ARMH4: variants seen among roughly 807,000 people sequenced by gnomAD.
ARMH4 encodes the protein armadillo-like helical domain-containing protein 4.
ARMH4 carries 49 observed loss-of-function variants against 61.9 expected under a neutral mutation model. The ratio of observed to expected loss-of-function variants is 0.79; its 90% CI spans 0.63 to 1.00. The LOEUF (loss-of-function observed/expected upper bound fraction) is 1.00. Ranked by LOEUF, ARMH4 falls within the 50% of genes least tolerant of loss-of-function variation. The probability of loss-of-function intolerance (pLI) is 0.00; values close to 1 mark genes in which losing one functional copy is unlikely to be tolerated. For synonymous variants in ARMH4, 368 were observed against 341.5 expected, an observed-to-expected ratio of 1.08 and a Z score of -0.85; for missense variants, 934 against 930.0, an observed-to-expected ratio of 1.00 and a Z score of -0.06.
At chr14:58,046,984 C>A (rs540338892) in intron 5 of ARMH4, among the ~76,000 whole-genome samples, 4 of 152,262 alleles carry the variant, frequency 2.6e-5, no homozygotes, top group Admixed American at 2.6e-4. Context: ...GCACCAGTCA[C>A]TAAAATGTGG....
rs533272417 is a variant in ARMH4, at chr14:58,131,428, T to G, written c.1831+84A>C. On this transcript the variant is annotated intron_variant, in intron 4 of 7. Transcript: ENST00000267485. ...GATCTATACTGCAGATTGAATATAC[T>G]CCTACTTAATTCTTTTTCAAAAACA... is the stretch of plus-strand genomic sequence containing the variant. 68 of 1,111,226 alleles carry G rather than the reference T, an allele frequency of 6.1e-5. No homozygotes were observed. In the African/African-American group the frequency reaches 1.0e-3, roughly 17 times the overall value. 68.8% of individuals were successfully genotyped at this position (1,111,226 alleles called of 1,614,324 possible). A position where few individuals can be genotyped will look rare whatever the true frequency, so the allele number is the denominator to read the frequency against.
chr14:58,027,072 T>C (rs959190424), intron 5 of ARMH4, among the ~76,000 whole-genome samples: 3 of 152,224 alleles, frequency 2.0e-5, no homozygotes, highest in Admixed American at 1.3e-4. Flanking sequence ...AAGTTCCATT[T>C]ACCAGTTCAT....
chr14:58,085,418 A>G (rs1006497168), intron 5 of ARMH4, among the ~76,000 whole-genome samples: 31 of 151,516 alleles, frequency 2.0e-4, no homozygotes, highest in Admixed American at 4.0e-4. Context: ...TCCCCAACTG[A>G]GCCTACGAGT....
chr14:58,018,421 G>A (rs1382703614), intron 5 of ARMH4, among the ~76,000 whole-genome samples: 1 of 149,860 alleles, frequency 6.7e-6, no homozygotes, highest in African/African-American at 2.5e-5. Context: ...TCATACAACT[G>A]AATAGCAAGA....
intron 5 of ARMH4, among the ~76,000 whole-genome samples, chr14:58,050,831 T>C (rs1884112737): frequency 6.6e-6 from 1 of 152,066 alleles, no homozygotes; most frequent in Non-Finnish European, 1.5e-5. Flanking sequence ...AGCTCTGCAA[T>C]TTTCCCTCCC....
chr14:58,007,315 A>C lies in ARMH4; in HGVS notation c.2122-2133T>G, dbSNP rs1594684040. ...TCTTATTGACACACTTAAGCCTTTT[A>C]CTTATGGAGCTTTATTTTTTCAAAT... On this transcript the variant is annotated intron_variant, in intron 6 of 7. Transcript: ENST00000267485. Among the ~76,000 whole-genome samples, 4 of 152,306 alleles carry C rather than the reference A, an allele frequency of 2.6e-5. No individual in the cohort carries two copies. The East Asian group carries it at 7.7e-4, about 29-fold the overall frequency.
intron 5 of ARMH4, among the ~76,000 whole-genome samples, chr14:58,021,252 G>C (rs957544464): frequency 6.6e-6 from 1 of 152,136 alleles, no homozygotes; most frequent in African/African-American, 2.4e-5. Context: ...GGCTTGGGAG[G>C]GACATGGTGG....
Position 58,096,937 on chromosome 14 carries a change from C to A in ARMH4, c.1876G>T (p.Glu626Ter). ...EDEEDEEDED[E>*]EEEDEEEDEE... ...TCTTCTTCCTCATCTTCCTCTTCTTCATCTTCATCTTCTTCATCCTCTTCA... is the reference window on the plus strand; with the variant it reads ...TCTTCTTCCTCATCTTCCTCTTCTTAATCTTCATCTTCTTCATCCTCTTCA... The change falls in exon 5 of 8, where the codon GAA becomes TAA. Residue 626 changes from glutamate to a stop codon, truncating the protein, a stop_gained. Transcript: ENST00000267485. LOFTEE classifies it high-confidence loss of function. 6.2e-7 allele frequency: 1 copy of A among 1,613,134 alleles called. No individual in the cohort carries two copies. Among genetic ancestry groups the A allele is most frequent in the South Asian group, 1.1e-5 (1 of 91,050 alleles).
chr14:58,005,508 G>A (rs1302530160), intron 6 of ARMH4, among the ~76,000 whole-genome samples: 1 of 152,174 alleles, frequency 6.6e-6, no homozygotes, highest in Admixed American at 6.5e-5. Context: ...AAAGATGGAT[G>A]AAGTAAGCCT....
At chr14:58,016,093 T>A (rs1046661466) in intron 5 of ARMH4, among the ~76,000 whole-genome samples, 7 of 152,026 alleles carry the variant, frequency 4.6e-5, no homozygotes, top group African/African-American at 1.7e-4. Context: ...AAATGTTTTA[T>A]ATGAAGCTCC....
At chr14:58,094,707 G>A (rs1041295761) in intron 5 of ARMH4, among the ~76,000 whole-genome samples, 6 of 152,170 alleles carry the variant, frequency 3.9e-5, no homozygotes, top group African/African-American at 9.7e-5. Flanking sequence ...ACCATATGAT[G>A]TCATTTGTAC....
intron 5 of ARMH4, among the ~76,000 whole-genome samples, chr14:58,091,202 A>C (rs536118959): frequency 1.0e-3 from 155 of 151,532 alleles, no homozygotes; most frequent in Non-Finnish European, 1.8e-3. Context: ...ACAAAGTAAG[A>C]CTCCATCTCA....
intron 5 of ARMH4, among the ~76,000 whole-genome samples, chr14:58,065,448 A>G (rs1369574533): frequency 6.6e-6 from 1 of 152,234 alleles, no homozygotes; most frequent in African/African-American, 2.4e-5. Flanking sequence ...ACAAATGGTG[A>G]GTCTTTGTAG....
intron 2 of ARMH4, among the ~76,000 whole-genome samples, chr14:58,137,317 G>A (rs1566598517): frequency 6.6e-6 from 1 of 152,140 alleles, no homozygotes; most frequent in Non-Finnish European, 1.5e-5. Context: ...GTCCCCTGGG[G>A]GAAGGGGAAA....
chr14:58,081,867 A>AT (rs1370082332), intron 5 of ARMH4, among the ~76,000 whole-genome samples: 4 of 151,634 alleles, frequency 2.6e-5, no homozygotes, highest in Non-Finnish European at 4.4e-5. Flanking sequence ...TCATGTTGGG[A>AT]TTTTTTTCTT....
intron 1 of ARMH4, among the ~76,000 whole-genome samples, chr14:58,150,200 A>T (rs1454821347): frequency 6.6e-6 from 1 of 152,248 alleles, no homozygotes. Context: ...TTTAAAGGGA[A>T]GCTGAAACTA....
intron 5 of ARMH4, among the ~76,000 whole-genome samples, chr14:58,069,662 G>A (rs1594737825): frequency 6.6e-6 from 1 of 152,138 alleles, no homozygotes; most frequent in South Asian, 2.1e-4. Flanking sequence ...CAAGAGAAGA[G>A]GCATTCAAAG....
intron 5 of ARMH4, among the ~76,000 whole-genome samples, chr14:58,051,992 C>T (rs891874087): frequency 6.6e-6 from 1 of 152,212 alleles, no homozygotes; most frequent in Non-Finnish European, 1.5e-5. Context: ...CTGTTCCAGA[C>T]CACTTCCAAA....
intron 4 of ARMH4, among the ~76,000 whole-genome samples, chr14:58,098,706 C>G (rs369317725): frequency 1.3e-5 from 2 of 151,926 alleles, no homozygotes; most frequent in East Asian, 3.9e-4. Flanking sequence ...GGCAAAGAAG[C>G]CTGGGCTGGG....
Sources: allele counts gnomAD v4.1 joint callset (sites outside exome capture counted in the v4.1 genomes callset), GRCh38; gene constraint gnomAD v4.1.1; transcripts MANE v1.5; gene names NCBI Gene and HGNC (gene_info 2026-07-23, HGNC 2026-07-21).